CBFA2T3: variants seen among roughly 807,000 people sequenced by gnomAD.
CBFA2T3 encodes the protein transcriptional corepressor CBFA2T3.
In CBFA2T3, 31 loss-of-function variants were observed where a neutral mutation model predicts 58.6. The observed-to-expected ratio is 0.53, with a 90% CI of 0.40 to 0.71. The LOEUF is 0.71. Ranked by LOEUF, CBFA2T3 falls within the 30% of genes least tolerant of loss-of-function variation. CBFA2T3 has a pLI of 0.00. For synonymous variants in CBFA2T3, 531 were observed against 421.9 expected, an observed-to-expected ratio of 1.26 and a Z score of -3.17; for missense variants, 1,076 against 963.1, an observed-to-expected ratio of 1.12 and a Z score of -1.55.
Position 88,976,997 on chromosome 16 carries a change from G to T in CBFA2T3, c.-190C>A, listed in dbSNP as rs1193703464. On this transcript the variant is annotated 5_prime_UTR_variant, in exon 1 of 12. Transcript: ENST00000268679. Reference sequence around the variant, plus strand: ...CCAACTGGGTGTCCTCTGCCCTGGGGAGGGGGTGGGAGCCCTGGGGCTCAT... The same window carrying T: ...CCAACTGGGTGTCCTCTGCCCTGGGTAGGGGGTGGGAGCCCTGGGGCTCAT... 2.7e-5 allele frequency: 16 copies of T among 584,248 alleles called. No homozygotes were observed. The highest frequency in any genetic ancestry group is 4.4e-5 in the Non-Finnish European group (15 of 343,762). 36.2% of individuals were successfully genotyped at this position (584,248 alleles called of 1,614,324 possible). A position where few individuals can be genotyped will look rare whatever the true frequency, so the allele number is the denominator to read the frequency against.
At chr16:88,881,513 C>T (rs746824719) in intron 8 of CBFA2T3, 24 bp from the exon 9 acceptor site, 1 of 1,592,900 alleles carries the variant, frequency 6.3e-7, no homozygotes, top group South Asian at 1.1e-5. Flanking sequence ...GCGCAGCCTT[C>T]AGCACCTCAG....
At chr16:88,925,120 A>G (rs1465594878) in intron 1 of CBFA2T3, among the ~76,000 whole-genome samples, 1 of 152,250 alleles carries the variant, frequency 6.6e-6, no homozygotes, top group African/African-American at 2.4e-5. Flanking sequence ...CGTCCTGGAC[A>G]CCGAGCTCGC....
At chr16:88,925,043 C>G (rs1048689279) in intron 1 of CBFA2T3, among the ~76,000 whole-genome samples, 1 of 152,240 alleles carries the variant, frequency 6.6e-6, no homozygotes, top group Non-Finnish European at 1.5e-5. Context: ...GGTCTCAGCT[C>G]TGCACCAGCC....
intron 1 of CBFA2T3, among the ~76,000 whole-genome samples, chr16:88,973,966 A>T (rs1972722526): frequency 6.6e-6 from 1 of 151,434 alleles, no homozygotes; most frequent in Non-Finnish European, 1.5e-5. Flanking sequence ...CCCTCCACTG[A>T]TAGTGCTCAC....
chr16:88,908,229 C>G (rs1970403278), intron 1 of CBFA2T3, among the ~76,000 whole-genome samples: 1 of 151,980 alleles, frequency 6.6e-6, no homozygotes, highest in East Asian at 1.9e-4. Context: ...ATAATCCCAG[C>G]TACTTAGGAG....
At chr16:88,882,348 G>A (rs1054621610) in intron 8 of CBFA2T3, among the ~76,000 whole-genome samples, 1 of 151,808 alleles carries the variant, frequency 6.6e-6, no homozygotes, top group Non-Finnish European at 1.5e-5. Context: ...ATGGCTGTGC[G>A]TGGGTGTGGC....
rs1972287243 is a variant in CBFA2T3 at position 88,958,514 on chromosome 16, C to A, written c.151+18143G>T. Among the ~76,000 whole-genome samples the A allele has an allele frequency of 6.6e-6, 1 of 152,156 alleles. No individual in the cohort carries two copies. Among genetic ancestry groups the A allele is most frequent in the African/African-American group, 2.4e-5 (1 of 41,446 alleles). The stretch of plus-strand genomic sequence containing the variant: ...CCCGGTGCAGCGCTCGTGAGTGCCC[C>A]ACATCCCTGGGCATCACACGCGTGT... On this transcript the variant is annotated intron_variant, in intron 1 of 11. Transcript: ENST00000268679. The surrounding 1 kb of genome is among the most constrained non-coding windows in gnomAD (Gnocchi z 4.0).
At chr16:88,963,877 C>T (rs947549678) in intron 1 of CBFA2T3, among the ~76,000 whole-genome samples, 41 of 152,224 alleles carry the variant, frequency 2.7e-4, no homozygotes, top group African/African-American at 9.4e-4. Flanking sequence ...GGCCTGGCCA[C>T]ACGGGCGTGG....
At position 88,976,053 on chromosome 16, in the gene CBFA2T3, G is replaced by A. The variant is rs933300889; in HGVS notation, c.151+604C>T. The stretch of plus-strand genomic sequence containing the variant: ...GGGACTTCGCAGGCTCGGGTGGGGG[G>A]TATCAGCAATAGCTGGCGTCCTGCT... On this transcript the variant is annotated intron_variant, in intron 1 of 11. Transcript: ENST00000268679. Among the ~76,000 whole-genome samples the A allele has an allele frequency of 3.9e-5, 6 of 152,200 alleles. No homozygotes were observed. In the South Asian group the frequency reaches 1.2e-3, roughly 31 times the overall value.
chr16:88,958,491 C>T lies in CBFA2T3; in HGVS notation c.151+18166G>A, dbSNP rs549087532. 3.2e-3 allele frequency among the ~76,000 whole-genome samples: 487 copies of T among 152,242 alleles called. 3 individuals carry two copies. The highest frequency in any genetic ancestry group is 0.011 in the African/African-American group (469 of 41,544). ...GGGGCGTTAGAGTGACACCAGGTCCCGGTGCAGCGCTCGTGAGTGCCCCAC... is the reference window on the plus strand; with the variant it reads ...GGGGCGTTAGAGTGACACCAGGTCCTGGTGCAGCGCTCGTGAGTGCCCCAC... On this transcript the variant is annotated intron_variant, in intron 1 of 11. Coordinates refer to ENST00000268679, the MANE Select transcript of CBFA2T3 (RefSeq NM_005187.6). This position sits in a 1 kb window ranked among gnomAD's most constrained non-coding sequence, Gnocchi z 4.0.
intron 1 of CBFA2T3, among the ~76,000 whole-genome samples, chr16:88,920,940 G>C (rs1008069396): frequency 6.6e-5 from 10 of 152,284 alleles, no homozygotes; most frequent in African/African-American, 2.4e-4. Context: ...AGAGCAGCGG[G>C]ACGGGTGTCT....
intron 1 of CBFA2T3, among the ~76,000 whole-genome samples, chr16:88,975,888 T>G (rs1972846556): frequency 6.6e-6 from 1 of 152,226 alleles, no homozygotes; most frequent in Non-Finnish European, 1.5e-5. Flanking sequence ...CCTGACGGCC[T>G]CAGTGAGAGC....
chr16:88,901,014 C>A (rs959672210), intron 2 of CBFA2T3, among the ~76,000 whole-genome samples: 1 of 152,258 alleles, frequency 6.6e-6, no homozygotes, highest in Admixed American at 6.5e-5. Flanking sequence ...ATCTGAGCCC[C>A]TCCAAGGCCA....
At chr16:88,883,172 G>A (rs893925451) in intron 7 of CBFA2T3, 4 of 276,272 alleles carry the variant, frequency 1.4e-5, no homozygotes, top group Non-Finnish European at 2.9e-5. Flanking sequence ...TAGACTAAGC[G>A]TGGCCTGAGG....
At chr16:88,921,604 GA>G (rs1334567382) in intron 1 of CBFA2T3, among the ~76,000 whole-genome samples, 3 of 151,764 alleles carry the variant, frequency 2.0e-5, no homozygotes, top group African/African-American at 4.8e-5. Flanking sequence ...CTGGGGGAGG[GA>G]GGGGGGGCGG....
At chr16:88,941,442 T>C (rs1345923859) in intron 1 of CBFA2T3, among the ~76,000 whole-genome samples, 2 of 146,114 alleles carry the variant, frequency 1.4e-5, no homozygotes, top group Admixed American at 6.8e-5. Context: ...CCGGCGCCCA[T>C]GGCGCTCAGC....
chr16:88,891,636 G>C (rs922710601), intron 5 of CBFA2T3, among the ~76,000 whole-genome samples: 1 of 152,186 alleles, frequency 6.6e-6, no homozygotes, highest in African/African-American at 2.4e-5. Flanking sequence ...ATAATCATCC[G>C]GTCTGGCAAC....
chr16:88,969,445 C>T lies in CBFA2T3; in HGVS notation c.151+7212G>A, dbSNP rs191318597. Among the ~76,000 whole-genome samples the T allele has an allele frequency of 2.5e-3, 380 of 152,350 alleles. 4 individuals carry two copies. Among genetic ancestry groups the T allele is most frequent in the African/African-American group, 8.7e-3 (363 of 41,584 alleles). ...TGCGGGGGTCGCAAGAGCGGGGCCC[C>T]TTGGGAAGGAGTGCCAGGAAGAGGG... On this transcript the variant is annotated intron_variant, in intron 1 of 11. Transcript: ENST00000268679.
At chr16:88,913,066 G>T (rs770475783) in intron 1 of CBFA2T3, among the ~76,000 whole-genome samples, 13 of 152,250 alleles carry the variant, frequency 8.5e-5, no homozygotes, top group Non-Finnish European at 1.5e-4. Flanking sequence ...AGCTCTTCCA[G>T]TGCAGAGGCG....
Sources: gnomAD v4.1 joint callset for allele counts (sites outside exome capture counted in the v4.1 genomes callset) on GRCh38, gnomAD v4.1.1 for gene constraint, Gnocchi (gnomAD v3.1) non-coding constraint, MANE v1.5 for transcripts, NCBI Gene and HGNC (gene_info 2026-07-23, HGNC 2026-07-21) for gene names.